RNF125: variants seen among roughly 807,000 people sequenced by gnomAD.
RNF125 encodes the protein E3 ubiquitin-protein ligase RNF125.
A neutral mutation model predicts 26.0 loss-of-function variants in RNF125; 21 were observed. The observed-to-expected ratio is 0.81, with a 90% CI of 0.57 to 1.16. The LOEUF (loss-of-function observed/expected upper bound fraction) is 1.16, where lower values mean the gene tolerates loss of function less well. Ranked by LOEUF, RNF125 falls within the 50% of genes most tolerant of loss-of-function variation. The probability of loss-of-function intolerance (pLI) is 0.00; values close to 1 mark genes in which losing one functional copy is unlikely to be tolerated. For missense variants in RNF125, 270 were observed against 299.4 expected (o/e 0.90, Z 0.72); for synonymous variants, 95 against 109.2 (o/e 0.87, Z 0.81).
chr18:32,046,793 G>A (rs1452924140), intron 4 of RNF125, among the ~76,000 whole-genome samples: 1 of 151,980 alleles, frequency 6.6e-6, no homozygotes, highest in Non-Finnish European at 1.5e-5. Flanking sequence ...CAGCCTTGGC[G>A]TTTTAGTTCT....
downstream of RNF125, among the ~76,000 whole-genome samples, chr18:32,077,384 C>T (rs373038301): frequency 2.9e-4 from 38 of 129,936 alleles, no homozygotes; most frequent in East Asian, 5.0e-3. Context: ...ACACTTAAGA[C>T]GGAGTCTTGC....
downstream of RNF125, among the ~76,000 whole-genome samples, chr18:32,075,450 T>C (rs2039563770): frequency 6.6e-6 from 1 of 152,070 alleles, no homozygotes. Context: ...TCCCAGCACT[T>C]TGGGAGGCCA....
chr18:32,029,970 G>C (rs1012553417), intron 1 of RNF125, among the ~76,000 whole-genome samples: 2 of 152,206 alleles, frequency 1.3e-5, no homozygotes, highest in African/African-American at 2.4e-5. Context: ...CCATAAGAAA[G>C]AGCCAAGTCT....
the RNF125 span, among the ~76,000 whole-genome samples, chr18:32,089,206 C>T: frequency 2.0e-5 from 3 of 152,156 alleles, no homozygotes; most frequent in Non-Finnish European, 2.9e-5. Flanking sequence ...CAAGAGAACA[C>T]CCAGGACACA....
chr18:32,088,329 CT>C, the RNF125 span, among the ~76,000 whole-genome samples: 1 of 152,202 alleles, frequency 6.6e-6, no homozygotes, highest in Admixed American at 6.5e-5. Context: ...CATCCTCCAG[CT>C]TCCCAGTTCA....
intron 4 of RNF125, among the ~76,000 whole-genome samples, chr18:32,048,804 C>G (rs2039297732): frequency 6.6e-6 from 1 of 152,124 alleles, no homozygotes; most frequent in African/African-American, 2.4e-5. Flanking sequence ...TCAAGTTGCT[C>G]TGTAGGAGGA....
intron 5 of RNF125, among the ~76,000 whole-genome samples, chr18:32,066,762 C>T (rs1416679911): frequency 2.0e-5 from 3 of 152,172 alleles, no homozygotes; most frequent in Admixed American, 2.0e-4. Context: ...TTGCACAGTT[C>T]AGGTGCAGAT....
chr18:32,033,489 C>T (rs1468257773), intron 1 of RNF125, among the ~76,000 whole-genome samples: 7 of 150,714 alleles, frequency 4.6e-5, no homozygotes, highest in Non-Finnish European at 8.8e-5. Context: ...CATGCCATTG[C>T]ACTCCAGCCT....
At chr18:32,021,369 G>T (rs992781778) in intron 1 of RNF125, among the ~76,000 whole-genome samples, 1 of 152,320 alleles carries the variant, frequency 6.6e-6, no homozygotes, top group Admixed American at 6.5e-5. Context: ...CGTGAGCCAT[G>T]GAGCCCGGCC....
chr18:32,062,288 A>G (rs1003273119), intron 4 of RNF125, among the ~76,000 whole-genome samples: 2 of 152,196 alleles, frequency 1.3e-5, no homozygotes, highest in Non-Finnish European at 2.9e-5. Context: ...TGTTGGATGA[A>G]CAAATTTCTA....
At chr18:32,065,733 A>G (rs2039478490) in intron 4 of RNF125, among the ~76,000 whole-genome samples, 169 bp from the exon 5 acceptor site, 1 of 151,944 alleles carries the variant, frequency 6.6e-6, no homozygotes, top group Non-Finnish European at 1.5e-5. Context: ...GCGTTTCACC[A>G]TGTTGGCCAG....
chr18:32,027,093 A>G (rs898300979), intron 1 of RNF125, among the ~76,000 whole-genome samples: 3 of 152,208 alleles, frequency 2.0e-5, no homozygotes, highest in Non-Finnish European at 4.4e-5. Flanking sequence ...AATTTTTTCC[A>G]AGTATTTCTT....
chr18:32,040,417 G>A (rs541733065), intron 2 of RNF125, among the ~76,000 whole-genome samples: 7 of 151,724 alleles, frequency 4.6e-5, no homozygotes, highest in African/African-American at 1.7e-4. Flanking sequence ...GACTATAGGT[G>A]CACACCACCA....
intron 4 of RNF125, 94 bp from the exon 5 acceptor site, chr18:32,065,808 G>T: frequency 1.2e-6 from 1 of 851,516 alleles, no homozygotes; most frequent in Non-Finnish European, 2.0e-6. Context: ...TGGGATTACA[G>T]GCGTAAGCCA....
chr18:32,030,250 C>A (rs1260415022), intron 1 of RNF125, among the ~76,000 whole-genome samples: 1 of 152,114 alleles, frequency 6.6e-6, no homozygotes, highest in Admixed American at 6.6e-5. Flanking sequence ...ACCATGTTGG[C>A]CAGGCTGATC....
chr18:32,069,813 G>C lies in RNF125; in HGVS notation c.*1429G>C, dbSNP rs1027643254. The C allele has an allele frequency of 6.6e-6, 1 of 151,588 alleles. No individual in the cohort carries two copies. Among genetic ancestry groups the C allele is most frequent in the Non-Finnish European group, 1.5e-5 (1 of 67,940 alleles). 9.4% of individuals were successfully genotyped at this position (151,588 alleles called of 1,614,324 possible). A position where few individuals can be genotyped will look rare whatever the true frequency, so the allele number is the denominator to read the frequency against. ...TTTCCAGTTCCTTAAAATTTACCTG[G>C]TGAAGAACCTGATCCTAGGACCTAT... On this transcript the variant is annotated 3_prime_UTR_variant, in exon 6 of 6. Coordinates refer to ENST00000217740, the MANE Select transcript of RNF125 (RefSeq NM_017831.4).
intron 4 of RNF125, among the ~76,000 whole-genome samples, chr18:32,064,439 G>A (rs1461043673): frequency 2.5e-5 from 3 of 120,690 alleles, no homozygotes; most frequent in Non-Finnish European, 4.8e-5. Flanking sequence ...CTGGTGCCTC[G>A]GCTGCCTGAG....
chr18:32,086,455 A>G, the RNF125 span, among the ~76,000 whole-genome samples: 1 of 149,820 alleles, frequency 6.7e-6, no homozygotes, highest in Admixed American at 6.7e-5. Context: ...AGGCTCAACC[A>G]GTCTTCCTAA....
chr18:32,021,229 G>A (rs943723314), intron 1 of RNF125, among the ~76,000 whole-genome samples: 13 of 152,106 alleles, frequency 8.5e-5, no homozygotes, highest in African/African-American at 2.9e-4. Context: ...TACAGGTGCC[G>A]CCACCACGCC....
Sources: allele counts gnomAD v4.1 joint callset (sites outside exome capture counted in the v4.1 genomes callset), GRCh38; gene constraint gnomAD v4.1.1; transcripts MANE v1.5; gene names NCBI Gene and HGNC (gene_info 2026-07-23, HGNC 2026-07-21).